Variants in USO1 observed in about 807,000 individuals in gnomAD.
USO1 encodes general vesicular transport factor p115.
USO1 carries 57 observed loss-of-function variants against 124.5 expected under a neutral mutation model. The ratio of observed to expected loss-of-function variants is 0.46; its 90% CI spans 0.37 to 0.57. The LOEUF (loss-of-function observed/expected upper bound fraction) is 0.57, where lower values mean the gene tolerates loss of function less well. Ranked by LOEUF, USO1 falls within the 20% of genes least tolerant of loss-of-function variation. USO1 has a pLI of 0.00. For synonymous variants in USO1, 369 were observed against 362.8 expected (o/e 1.02, Z -0.19); for missense variants, 900 against 1,040.6 (o/e 0.86, Z 1.86).
rs548197373 is a variant in USO1, at chr4:75,770,553, C to T, written c.396+14C>T. The T allele has an allele frequency of 1.1e-5, 17 of 1,551,374 alleles. No individual in the cohort carries two copies. In the East Asian group the frequency reaches 3.8e-4, roughly 34 times the overall value. ...TCTTTATTGGAGGTAAATAGGGAAC[C>T]TTGATGTTTTTGTCATCTTAATAAG... is the stretch of plus-strand genomic sequence containing the variant. On this transcript the variant is annotated intron_variant, in intron 5 of 23. Coordinates refer to ENST00000514213, the MANE Select transcript of USO1 (RefSeq NM_003715.4).
At chr4:75,745,222 A>G (rs1721089498) in intron 1 of USO1, 5 of 396,172 alleles carry the variant, frequency 1.3e-5, no homozygotes, top group South Asian at 3.8e-5. Context: ...TTATATATAT[A>G]TATAGTACTG....
intron 3 of USO1, among the ~76,000 whole-genome samples, chr4:75,755,291 C>T (rs186599323): frequency 5.9e-5 from 9 of 152,268 alleles, no homozygotes; most frequent in East Asian, 5.8e-4. Context: ...AGAGATGAAT[C>T]GAAAAGTTTT....
Position 75,800,800 on chromosome 4 carries a change from G to A in USO1, c.1864+1G>A. 6.2e-7 allele frequency: 1 copy of A among 1,611,646 alleles called. No homozygotes were observed. The highest frequency in any genetic ancestry group is 8.5e-7 in the Non-Finnish European group (1 of 1,178,888). ...ACGAAGCTGGTAAAAGAACTTGAAG[G>A]TAAGACTGAAGATTTATATTGATAT... On this transcript the variant is annotated splice_donor_variant, in intron 16 of 23. Transcript: ENST00000514213. LOFTEE classifies it high-confidence loss of function.
At chr4:75,726,371 C>G (rs537652458) in intron 1 of USO1, among the ~76,000 whole-genome samples, 1 of 151,276 alleles carries the variant, frequency 6.6e-6, no homozygotes, top group African/African-American at 2.4e-5. Flanking sequence ...AGGTACCTTA[C>G]TTCAAAGCCT....
chr4:75,767,256 A>G (rs1029866406), intron 4 of USO1, among the ~76,000 whole-genome samples: 16 of 152,202 alleles, frequency 1.1e-4, no homozygotes, highest in African/African-American at 3.6e-4. Context: ...TCAAATGTGC[A>G]TGTCCAACCC....
chr4:75,746,235 G>A (rs1721123395), intron 1 of USO1, among the ~76,000 whole-genome samples: 1 of 152,200 alleles, frequency 6.6e-6, no homozygotes. Context: ...GCTTCCTTTA[G>A]GGACGTGAAC....
At position 75,800,609 on chromosome 4, in the gene USO1, T is replaced by C. The variant is rs1016448435; in HGVS notation, c.1683-9T>C. On this transcript the variant is annotated splice_polypyrimidine_tract_variant and intron_variant, in intron 15 of 23. Transcript: ENST00000514213. Reference sequence around the variant, plus strand: ...TTTTTAAAGCATCTCAATATGCTTATCTCCGTAGAGAGAAGCTAAAACAAC... The same window carrying C: ...TTTTTAAAGCATCTCAATATGCTTACCTCCGTAGAGAGAAGCTAAAACAAC... 1.0e-5 allele frequency: 16 copies of C among 1,547,084 alleles called. No homozygotes were observed. The highest frequency in any genetic ancestry group is 2.8e-5 in the African/African-American group (2 of 72,026).
rs141900700 is a variant in USO1 at position 75,727,852 on chromosome 4, A to G, written c.66+2967A>G. ...TAAATTCATCATCAGCGCCTCCCCT[A>G]ATCTGTACTTTCCCCCAGCACGTTT... On this transcript the variant is annotated intron_variant, in intron 1 of 23. Transcript: ENST00000514213. 4.2e-3 allele frequency among the ~76,000 whole-genome samples: 639 copies of G among 152,220 alleles called. 4 individuals are homozygous for G. Among genetic ancestry groups the G allele is most frequent in the African/African-American group, 0.015 (624 of 41,536 alleles).
chr4:75,775,222 G>T (rs1722040662), intron 8 of USO1, among the ~76,000 whole-genome samples: 1 of 152,084 alleles, frequency 6.6e-6, no homozygotes, highest in Admixed American at 6.6e-5. Flanking sequence ...GTTAATTATT[G>T]TAATTAGGAA....
chr4:75,742,301 A>C (rs1325559409), intron 1 of USO1, among the ~76,000 whole-genome samples: 1 of 152,192 alleles, frequency 6.6e-6, no homozygotes, highest in African/African-American at 2.4e-5. Flanking sequence ...CAAACACATG[A>C]GTAATGTGTT....
chr4:75,800,709 A>T lies in USO1; in HGVS notation c.1774A>T (p.Arg592Ter). ...TATTAGCAAACATGAGTTGTATTCC[A>T]GAGCATCTCAGAAACCCCAGCCAAA... ...GFISKHELYS[R>*]ASQKPQPNFP... Residue 592 changes from arginine (R) to a stop codon, truncating the protein, a stop_gained, in exon 16 of 24, where the codon AGA (arginine) becomes TGA (stop). Transcript: ENST00000514213. LOFTEE classifies it high-confidence loss of function. 6.2e-7 allele frequency: 1 copy of T among 1,611,006 alleles called. No homozygotes were observed. The highest frequency in any genetic ancestry group is 8.5e-7 in the Non-Finnish European group (1 of 1,179,156).
chr4:75,733,027 G>A (rs1441611470), intron 1 of USO1, among the ~76,000 whole-genome samples: 7 of 151,500 alleles, frequency 4.6e-5, no homozygotes, highest in East Asian at 1.9e-4. Context: ...TTGGGAGGCC[G>A]AGGCGGGCAG....
chr4:75,748,211 CTTTTT>C (rs71208096), intron 1 of USO1, among the ~76,000 whole-genome samples: 65 of 124,150 alleles, frequency 5.2e-4, no homozygotes, highest in Admixed American at 1.2e-3. Flanking sequence ...GCTGGTATTT[CTTTTT>C]TTTTTTTTTT....
Position 75,774,669 on chromosome 4 carries a change from T to C in USO1, c.556-7T>C, listed in dbSNP as rs753438901. ...ACTCCACTAAACATTCTCTTTCTTC[T>C]CTATAGGGCGTCTTACTACTGCAGG... On this transcript the variant is annotated splice_region_variant and splice_polypyrimidine_tract_variant and intron_variant, in intron 7 of 23. Coordinates refer to ENST00000514213, the MANE Select transcript of USO1 (RefSeq NM_003715.4). The C allele has an allele frequency of 3.8e-6, 6 of 1,595,998 alleles. No individual in the cohort carries two copies. In the African/African-American group the frequency reaches 8.1e-5, roughly 22 times the overall value.
intron 12 of USO1, 136 bp from the exon 13 acceptor site, chr4:75,793,554 T>G: frequency 8.6e-7 from 1 of 1,157,046 alleles, no homozygotes; most frequent in Admixed American, 2.8e-5. Context: ...TATTTAATAC[T>G]ACTCATTAAT....
intron 8 of USO1, among the ~76,000 whole-genome samples, chr4:75,778,534 G>A (rs936169747): frequency 5.3e-5 from 8 of 152,026 alleles, no homozygotes; most frequent in South Asian, 2.1e-4. Flanking sequence ...TTCAAGGGTC[G>A]GCTGTATATG....
intron 1 of USO1, among the ~76,000 whole-genome samples, chr4:75,744,712 G>C (rs896057686): frequency 6.6e-6 from 1 of 152,194 alleles, no homozygotes. Context: ...AAGCCACCGC[G>C]CCCAGCCCCT....
Position 75,724,665 on chromosome 4 carries a change from T to A in USO1, c.-155T>A, listed in dbSNP as rs1406416678. The A allele has an allele frequency of 2.9e-6, 2 of 687,614 alleles. No homozygotes were observed. The highest frequency in any genetic ancestry group is 4.9e-6 in the Non-Finnish European group (2 of 412,304). The allele number at this position is 687,614 out of a possible 1,614,324, so 42.6% of individuals were successfully genotyped here. ...CCGCTGCTGGCGGCTGTTTCCGGGC[T>A]TAGAGGGCTGGAGTGGCCGCCGAGT... On this transcript the variant is annotated 5_prime_UTR_variant, in exon 1 of 24. Coordinates refer to ENST00000514213, the MANE Select transcript of USO1 (RefSeq NM_003715.4).
intron 4 of USO1, among the ~76,000 whole-genome samples, chr4:75,769,012 A>C (rs1721847863): frequency 6.6e-6 from 1 of 152,180 alleles, no homozygotes; most frequent in Non-Finnish European, 1.5e-5. Context: ...ATCTCAGTAA[A>C]TGGCAACCCT....
Sources: gnomAD v4.1 joint callset for allele counts (sites outside exome capture counted in the v4.1 genomes callset) on GRCh38, gnomAD v4.1.1 for gene constraint, MANE v1.5 for transcripts, NCBI Gene and HGNC (gene_info 2026-07-23, HGNC 2026-07-21) for gene names.